Variants in PSPC1 observed in about 807,000 individuals in gnomAD.
PSPC1 encodes paraspeckle protein 1.
Under a neutral mutation model 51.6 loss-of-function variants are expected in PSPC1, and 14 were observed. The ratio of observed to expected loss-of-function variants is 0.27; its 90% confidence interval spans 0.18 to 0.42. PSPC1 has a LOEUF of 0.42. PSPC1 is among the 10% of genes least tolerant of loss of function. PSPC1 has a pLI of 1.00. For synonymous variants in PSPC1, 193 were observed against 231.9 expected, an observed-to-expected ratio of 0.83 and a Z score of 1.53; for missense variants, 406 against 701.1, an observed-to-expected ratio of 0.58 and a Z score of 4.75.
Position 19,741,668 on chromosome 13 carries a change from A to G in PSPC1, c.968-19T>C. 6.7e-7 allele frequency: 1 copy of G among 1,481,718 alleles called. No homozygotes were observed. The highest frequency in any genetic ancestry group is 2.3e-5 in the East Asian group (1 of 43,840). 91.8% of individuals were successfully genotyped at this position (1,481,718 alleles called of 1,614,324 possible). ...ATTAGATCTATAAAATAATGACTGC[A>G]CATTAATATTTTTAGTTTCCCTTTC... On this transcript the variant is annotated intron_variant, in intron 4 of 8. Coordinates refer to ENST00000338910, the MANE Select transcript of PSPC1 (RefSeq NM_001354909.2).
chr13:19,686,175 G>A (rs957182240), intron 6 of PSPC1, among the ~76,000 whole-genome samples: 5 of 152,046 alleles, frequency 3.3e-5, no homozygotes, highest in Admixed American at 6.6e-5. Context: ...AAGTCTCTCC[G>A]CTGAATTCCC....
intron 4 of PSPC1, among the ~76,000 whole-genome samples, chr13:19,745,557 CTTTA>C (rs1468615555): frequency 1.3e-5 from 2 of 151,604 alleles, no homozygotes; most frequent in African/African-American, 4.8e-5. Flanking sequence ...ATACTAGTCT[CTTTA>C]TTTTTCTTTC....
intron 5 of PSPC1, among the ~76,000 whole-genome samples, chr13:19,741,250 A>C (rs1885407137): frequency 6.6e-6 from 1 of 152,226 alleles, no homozygotes; most frequent in Non-Finnish European, 1.5e-5. Flanking sequence ...ACACATAACA[A>C]AATAAATAAG....
intron 6 of PSPC1, among the ~76,000 whole-genome samples, chr13:19,696,499 G>GCACA (rs34350489): frequency 6.8e-5 from 10 of 147,554 alleles, no homozygotes; most frequent in African/African-American, 2.0e-4. Context: ...ACACACACAC[G>GCACA]CACACACACA....
intron 6 of PSPC1, among the ~76,000 whole-genome samples, chr13:19,727,748 T>A (rs940462612): frequency 1.3e-5 from 2 of 152,108 alleles, no homozygotes; most frequent in Non-Finnish European, 2.9e-5. Context: ...TAAAAAACAA[T>A]CTCATAAAAT....
intron 6 of PSPC1, among the ~76,000 whole-genome samples, chr13:19,713,486 C>T (rs1207781234): frequency 2.3e-5 from 3 of 131,230 alleles, no homozygotes; most frequent in Admixed American, 9.2e-5. Flanking sequence ...AAATTTTTGA[C>T]GTTCACGAGA....
chr13:19,761,416 T>TA (rs1185282007), intron 2 of PSPC1, among the ~76,000 whole-genome samples: 1 of 152,100 alleles, frequency 6.6e-6, no homozygotes, highest in Non-Finnish European at 1.5e-5. Flanking sequence ...CAAGGGGCAT[T>TA]AAAATCTATT....
At chr13:19,738,383 G>A (rs1373089727) in intron 5 of PSPC1, among the ~76,000 whole-genome samples, 1 of 152,056 alleles carries the variant, frequency 6.6e-6, no homozygotes, top group Non-Finnish European at 1.5e-5. Flanking sequence ...TCAACTCCCT[G>A]ACATATGGTG....
rs1260566455 is a variant in PSPC1, at chr13:19,735,903, GCT to G, written c.1053-5561_1053-5560del. ...GTGGCGCCATCTCTGCTCACTGCAA[GCT>G]ACGCCTCCTGGGTTCAAGCCATTCT... is the stretch of plus-strand genomic sequence containing the variant. On this transcript the variant is annotated intron_variant, in intron 5 of 8. Transcript: ENST00000338910. 8.8e-3 allele frequency among the ~76,000 whole-genome samples: 1,344 copies of G among 152,020 alleles called. 13 individuals carry two copies. Among genetic ancestry groups the G allele is most frequent in the African/African-American group, 0.031 (1,277 of 41,458 alleles).
chr13:19,739,385 G>A (rs1885180258), intron 5 of PSPC1, among the ~76,000 whole-genome samples: 1 of 152,168 alleles, frequency 6.6e-6, no homozygotes, highest in African/African-American at 2.4e-5. Context: ...TAAGTTTTAA[G>A]AGGAAAAAGC....
intron 7 of PSPC1, chr13:19,675,769 C>T (rs1164991504): frequency 6.6e-6 from 1 of 152,168 alleles, no homozygotes. Flanking sequence ...AATCACTGAC[C>T]AGCAGACCTA....
intron 6 of PSPC1, among the ~76,000 whole-genome samples, chr13:19,691,803 A>G (rs2137649557): frequency 6.6e-6 from 1 of 152,254 alleles, no homozygotes; most frequent in South Asian, 2.1e-4. Flanking sequence ...CTGTAGTTCC[A>G]GCTTCTCAGA....
chr13:19,751,670 C>T (rs1174601573), intron 3 of PSPC1, among the ~76,000 whole-genome samples: 2 of 152,188 alleles, frequency 1.3e-5, no homozygotes, highest in African/African-American at 4.8e-5. Flanking sequence ...ATAATTCAAA[C>T]TTACACAATC....
chr13:19,683,539 C>G (rs1338169624), intron 6 of PSPC1, among the ~76,000 whole-genome samples: 1 of 152,194 alleles, frequency 6.6e-6, no homozygotes, highest in Admixed American at 6.5e-5. Flanking sequence ...CTCATAAGAC[C>G]TTACGTTTAT....
intron 6 of PSPC1, among the ~76,000 whole-genome samples, chr13:19,687,247 G>A (rs1407711447): frequency 1.3e-5 from 2 of 152,010 alleles, no homozygotes; most frequent in African/African-American, 2.4e-5. Context: ...TTTAGTATAT[G>A]TTCATTTCTT....
intron 2 of PSPC1, among the ~76,000 whole-genome samples, chr13:19,769,922 A>C (rs1888463238): frequency 6.6e-6 from 1 of 152,184 alleles, no homozygotes; most frequent in South Asian, 2.1e-4. Context: ...TTTACCCCTA[A>C]ATATTTACCT....
At chr13:19,710,514 A>C (rs1467749759) in intron 6 of PSPC1, among the ~76,000 whole-genome samples, 1 of 152,246 alleles carries the variant, frequency 6.6e-6, no homozygotes, top group East Asian at 1.9e-4. Flanking sequence ...GTTTAAAGAA[A>C]GCATAATTAC....
intron 5 of PSPC1, among the ~76,000 whole-genome samples, chr13:19,740,668 A>G (rs1885344733): frequency 6.6e-6 from 1 of 152,146 alleles, no homozygotes; most frequent in African/African-American, 2.4e-5. Flanking sequence ...ACCTTTGAAG[A>G]GTAATGTTTA....
At chr13:19,766,601 T>A (rs553042283) in intron 2 of PSPC1, among the ~76,000 whole-genome samples, 1 of 151,916 alleles carries the variant, frequency 6.6e-6, no homozygotes, top group East Asian at 1.9e-4. Context: ...GGGAGGATCA[T>A]GTGAGCCTGA....
Sources: allele counts gnomAD v4.1 joint callset (sites outside exome capture counted in the v4.1 genomes callset), GRCh38; gene constraint gnomAD v4.1.1; transcripts MANE v1.5; gene names NCBI Gene and HGNC (gene_info 2026-07-23, HGNC 2026-07-21).